The following FREM2 variants were observed in gnomAD, a reference collection of about 807,000 sequenced individuals.
The protein encoded by FREM2 is FRAS1-related extracellular matrix protein 2.
In FREM2, 119 loss-of-function variants were observed where a neutral mutation model predicts 219.9. The ratio of observed to expected loss-of-function variants is 0.54; its 90% confidence interval spans 0.47 to 0.63. The LOEUF is 0.63. Ranked by LOEUF, FREM2 falls within the 30% of genes least tolerant of loss-of-function variation. FREM2 has a pLI of 0.00. For missense variants in FREM2, 4,030 were observed against 3,993.6 expected, an observed-to-expected ratio of 1.01 and a Z score of -0.25; for synonymous variants, 1,562 against 1,522.8, an observed-to-expected ratio of 1.03 and a Z score of -0.60.
intron 17 of FREM2, among the ~76,000 whole-genome samples, chr13:38,873,802 C>T (rs1878251280): frequency 6.6e-6 from 1 of 152,144 alleles, no homozygotes; most frequent in Non-Finnish European, 1.5e-5. Context: ...CCTATTTATG[C>T]TCTGTTCATT....
At chr13:38,695,791 A>G (rs1012930150) in intron 1 of FREM2, among the ~76,000 whole-genome samples, 6 of 152,132 alleles carry the variant, frequency 3.9e-5, no homozygotes, top group African/African-American at 1.4e-4. Context: ...CAGAAACATC[A>G]TACATGCAAA....
At chr13:38,819,902 A>G (rs898684728) in intron 6 of FREM2, among the ~76,000 whole-genome samples, 4 of 152,168 alleles carry the variant, frequency 2.6e-5, no homozygotes, top group Non-Finnish European at 4.4e-5. Flanking sequence ...CAGTAAGTAT[A>G]TTTAATATAC....
At position 38,880,697 on chromosome 13, in the gene FREM2, T is replaced by G. The variant is rs1290445384; in HGVS notation, c.9420T>G (p.Ser3140Arg). The change falls in exon 24 of 24, where the codon AGT becomes AGG. Residue 3140 changes from serine to arginine, a missense_variant. Physicochemically the swap from Ser to Arg is moderately radical, Grantham distance 110. Coordinates refer to ENST00000280481, the MANE Select transcript of FREM2 (RefSeq NM_207361.6). Reference sequence around the variant, plus strand: ...TGCTGATGTGCAGGGGCAAGGAAAGTTTCAGGGGGAAGGATGCCCCGAAAG... The same window carrying G: ...TGCTGATGTGCAGGGGCAAGGAAAGGTTCAGGGGGAAGGATGCCCCGAAAG... ...IAVLMCRGKE[S>R]FRGKDAPKGS... 3 of 1,614,094 alleles carry G rather than the reference T, an allele frequency of 1.9e-6. No homozygotes were observed.
At position 38,878,847 on chromosome 13, in the gene FREM2, A is replaced by G. The variant is rs111762324; in HGVS notation, c.8876A>G (p.Glu2959Gly). ...RFKIVDKAQP[E>G]TQATSFGNVL... ...TGCTTAAAGGACAAAGCTCAGCCAG[A>G]GACACAAGCGACCAGTTTTGGAAAT... Residue 2959 changes from glutamate (E) to glycine (G), a missense_variant, in exon 23 of 24, where the codon GAG becomes GGG. Coordinates refer to ENST00000280481, the MANE Select transcript of FREM2 (RefSeq NM_207361.6). 1 of 1,614,196 alleles carries G rather than the reference A, an allele frequency of 6.2e-7. No individual in the cohort carries two copies. The highest frequency in any genetic ancestry group is 1.3e-5 in the African/African-American group (1 of 75,060).
Position 38,690,020 on chromosome 13 carries a change from G to A in FREM2, c.2676G>A (p.Leu892=), listed in dbSNP as rs1433600345. The part of the protein sequence containing the change: ...QILHVGGLFH[L]EDIKQGRVSY... ...TGCATGTAGGGGGTCTCTTCCACTT[G>A]GAGGACATAAAACAGGGCCGAGTTT... The change falls in exon 1 of 24, where the codon TTG becomes TTA. Residue 892 remains leucine (L), a synonymous_variant. Coordinates refer to ENST00000280481, the MANE Select transcript of FREM2 (RefSeq NM_207361.6). 1 of 1,613,966 alleles carries A rather than the reference G, an allele frequency of 6.2e-7. No homozygotes were observed. The highest frequency in any genetic ancestry group is 8.5e-7 in the Non-Finnish European group (1 of 1,180,030).
intron 6 of FREM2, among the ~76,000 whole-genome samples, chr13:38,834,324 C>G (rs894082465): frequency 1.3e-5 from 2 of 152,156 alleles, no homozygotes; most frequent in Non-Finnish European, 2.9e-5. Context: ...CAGCTTCATC[C>G]ATGTCCCTGC....
intron 2 of FREM2, among the ~76,000 whole-genome samples, chr13:38,748,210 C>T (rs112022114): frequency 6.6e-6 from 1 of 152,256 alleles, no homozygotes; most frequent in Non-Finnish European, 1.5e-5. Flanking sequence ...GTCTGTGGAA[C>T]GAATATACCA....
chr13:38,880,615 CTG>C lies in FREM2; in HGVS notation c.9341_9342del (p.Val3114GlyfsTer40). 6.2e-7 allele frequency: 1 copy of C among 1,613,860 alleles called. No individual in the cohort carries two copies. The highest frequency in any genetic ancestry group is 1.1e-5 in the South Asian group (1 of 91,076). ...CCCAGCTCTGCAGTCAGCCTGGTCA[CTG>C]TGGTGGGAGGCACCACGGTAGGGTT... is the stretch of plus-strand genomic sequence containing the variant. On this transcript the variant is annotated frameshift_variant, in exon 24 of 24. Transcript: ENST00000280481. LOFTEE classifies it low-confidence loss of function (END_TRUNC).
At chr13:38,822,592 T>C (rs1456378971) in intron 6 of FREM2, among the ~76,000 whole-genome samples, 2 of 152,006 alleles carry the variant, frequency 1.3e-5, no homozygotes, top group Non-Finnish European at 2.9e-5. Flanking sequence ...CTGCGCTAAA[T>C]AGGGGGTTGA....
chr13:38,815,608 C>T (rs937451855), intron 6 of FREM2, among the ~76,000 whole-genome samples: 2 of 152,090 alleles, frequency 1.3e-5, no homozygotes, highest in South Asian at 4.2e-4. Flanking sequence ...TGAGATTACC[C>T]GAGGCTGGGT....
At chr13:38,833,258 A>G (rs945365380) in intron 6 of FREM2, among the ~76,000 whole-genome samples, 1 of 152,146 alleles carries the variant, frequency 6.6e-6, no homozygotes, top group African/African-American at 2.4e-5. Flanking sequence ...ATTTTTTAAT[A>G]ATAAAGCTAA....
intron 6 of FREM2, among the ~76,000 whole-genome samples, chr13:38,792,397 G>C (rs756936969): frequency 6.6e-6 from 1 of 152,074 alleles, no homozygotes; most frequent in Non-Finnish European, 1.5e-5. Context: ...GAATCAAAAT[G>C]TCTCTGGAGT....
rs1869661719 is a variant in FREM2 at position 38,689,119 on chromosome 13, A to G, written c.1775A>G (p.Asp592Gly). ...LSLSATDMDS[D>G]DSLLLFVLES... is the part of the protein sequence containing the mutation. ...CTGAGTGCAACTGACATGGATTCAG[A>G]TGATTCTCTGCTGCTTTTTGTGCTG... The change falls in exon 1 of 24, where the codon GAT (aspartate) becomes GGT (glycine). Residue 592 changes from aspartate (D) to glycine (G), a missense_variant. Asp to Gly is a moderately conservative substitution (Grantham distance 94, BLOSUM62 -1). Around this residue, in one of 2 missense-constraint regions of FREM2, gnomAD observed 3,102 missense variants for 2,950.7 expected, o/e 1.05. Transcript: ENST00000280481. 6.2e-7 allele frequency: 1 copy of G among 1,613,736 alleles called. No homozygotes were observed. The highest frequency in any genetic ancestry group is 1.3e-5 in the African/African-American group (1 of 74,896).
chr13:38,696,460 T>C (rs1870110222), intron 1 of FREM2, among the ~76,000 whole-genome samples: 1 of 152,200 alleles, frequency 6.6e-6, no homozygotes, highest in Non-Finnish European at 1.5e-5. Context: ...CTAGAGCTTT[T>C]AGGAGATGAA....
At chr13:38,717,091 A>G (rs1412724537) in intron 2 of FREM2, among the ~76,000 whole-genome samples, 1 of 152,230 alleles carries the variant, frequency 6.6e-6, no homozygotes, top group African/African-American at 2.4e-5. Context: ...GTCATGTGAT[A>G]AGAATCTTCC....
chr13:38,710,271 G>A (rs1347306185), intron 2 of FREM2, among the ~76,000 whole-genome samples: 1 of 152,048 alleles, frequency 6.6e-6, no homozygotes, highest in Non-Finnish European at 1.5e-5. Flanking sequence ...CTGAATGAAA[G>A]CAATTACATT....
At chr13:38,749,292 C>T (rs1872619602) in intron 2 of FREM2, among the ~76,000 whole-genome samples, 1 of 152,170 alleles carries the variant, frequency 6.6e-6, no homozygotes, top group Non-Finnish European at 1.5e-5. Context: ...ACTGGCTCAA[C>T]TACTTTCTGC....
intron 16 of FREM2, among the ~76,000 whole-genome samples, chr13:38,868,357 CT>C (rs1429302158): frequency 1.3e-5 from 2 of 152,268 alleles, no homozygotes; most frequent in East Asian, 3.9e-4. Context: ...CCTCTAAATA[CT>C]TTGTATATTT....
At position 38,691,762 on chromosome 13, in the gene FREM2, A is replaced by T. The variant is rs1219520156; in HGVS notation, c.4418A>T (p.Asp1473Val). 1.9e-6 allele frequency: 3 copies of T among 1,614,172 alleles called. No homozygotes were observed. The highest frequency in any genetic ancestry group is 2.5e-6 in the Non-Finnish European group (3 of 1,180,028). Residue 1473 changes from aspartate to valine, a missense_variant, in exon 1 of 24, where the codon GAT becomes GTT. By Grantham distance (152) the Asp-to-Val change is radical. Transcript: ENST00000280481. ...ATGCGAGGTCACCTGGAATGCACGG[A>T]TCAGCCTGGTGTGTCCATCACGTCT... ...APMRGHLECT[D>V]QPGVSITSFT...
Sources: allele counts gnomAD v4.1 joint callset (sites outside exome capture counted in the v4.1 genomes callset), GRCh38; gene constraint gnomAD v4.1.1; regional missense constraint gnomAD v4.1.1; transcripts MANE v1.5; gene names NCBI Gene and HGNC (gene_info 2026-07-23, HGNC 2026-07-21).